SCTR: variants seen among roughly 807,000 people sequenced by gnomAD.
SCTR encodes pancreatic secretin receptor.
In SCTR, 56 loss-of-function variants were observed where a neutral mutation model predicts 60.8. The ratio of observed to expected loss-of-function variants is 0.92; its 90% CI spans 0.74 to 1.15. The LOEUF is 1.15. Among genes scored for constraint, SCTR ranks in the 50% most tolerant of loss-of-function variants. The pLI is 0.00. For synonymous variants in SCTR, 202 were observed against 217.0 expected (o/e 0.93, Z 0.61); for missense variants, 562 against 550.4 (o/e 1.02, Z -0.21).
At chr2:119,446,689 C>G (rs1407935720) in intron 11 of SCTR, 70 bp downstream of exon 11, 1 of 1,346,154 alleles carries the variant, frequency 7.4e-7, no homozygotes, top group African/African-American at 1.5e-5. Context: ...AGTCTCTATG[C>G]CCTCCACTTC....
chr2:119,498,749 T>C (rs773463899), intron 1 of SCTR, among the ~76,000 whole-genome samples: 1 of 151,932 alleles, frequency 6.6e-6, no homozygotes, highest in Non-Finnish European at 1.5e-5. Flanking sequence ...GCACTGTAGA[T>C]AAATCAAAAT....
chr2:119,448,691 A>G lies in SCTR; in HGVS notation c.1011T>C (p.Tyr337=). 6.4e-7 allele frequency: 1 copy of G among 1,559,926 alleles called. No homozygotes were observed. Among genetic ancestry groups the G allele is most frequent in the Non-Finnish European group, 8.8e-7 (1 of 1,130,544 alleles). Reference sequence around the variant, plus strand: ...CTCAGTCTTTGCCCTTCACTTACTTATAATGGCTGACTTCATTTCCTCTTG... The same window carrying G: ...CTCAGTCTTTGCCCTTCACTTACTTGTAATGGCTGACTTCATTTCCTCTTG... The part of the protein sequence containing the change: ...QETRGNEVSH[Y]KRLARSTLLL... Residue 337 remains tyrosine, a splice_region_variant and synonymous_variant, in exon 10 of 13, where the codon TAT becomes TAC. Transcript: ENST00000019103.
chr2:119,469,093 G>T (rs1445672219), intron 4 of SCTR, among the ~76,000 whole-genome samples: 2 of 152,182 alleles, frequency 1.3e-5, no homozygotes, highest in Non-Finnish European at 2.9e-5. Flanking sequence ...ACCTCTCAGG[G>T]ATGTGAGGAA....
At position 119,473,528 on chromosome 2, in the gene SCTR, A is replaced by G; in HGVS notation, c.330T>C (p.Asp110=). The change falls in exon 4 of 13, where the codon GAT becomes GAC. Residue 110 remains aspartate, a synonymous_variant. Transcript: ENST00000019103. ...NGSLFRNCTQ[D]GWSETFPRPN... is the part of the protein sequence containing the mutation. The stretch of plus-strand genomic sequence containing the variant: ...GCCTGGGGAAGGTTTCTGACCAGCC[A>G]TCCTGTGTGCAGTTTCGGAACAAGG... 6.2e-7 allele frequency: 1 copy of G among 1,613,962 alleles called. No individual in the cohort carries two copies. The highest frequency in any genetic ancestry group is 1.7e-5 in the Admixed American group (1 of 60,008).
chr2:119,518,990 G>A (rs761088056), intron 1 of SCTR, among the ~76,000 whole-genome samples: 13 of 151,852 alleles, frequency 8.6e-5, no homozygotes, highest in African/African-American at 2.4e-4. Context: ...TTTTTGAGAC[G>A]GAGTTTTGCT....
At chr2:119,519,054 G>A (rs1383981298) in intron 1 of SCTR, among the ~76,000 whole-genome samples, 7 of 152,114 alleles carry the variant, frequency 4.6e-5, no homozygotes, top group African/African-American at 7.2e-5. Context: ...TGCAACCTCC[G>A]CCTCCCAAGT....
chr2:119,502,987 TAAA>T (rs35814848), intron 1 of SCTR, among the ~76,000 whole-genome samples: 1 of 144,516 alleles, frequency 6.9e-6, no homozygotes. Context: ...TCATCTCTAC[TAAA>T]AAAAAAAAAA....
rs561978943 is a variant in SCTR at position 119,492,267 on chromosome 2, A to T, written c.193+2161T>A. Among the ~76,000 whole-genome samples the T allele has an allele frequency of 2.2e-4, 33 of 152,356 alleles. 1 individual carries two copies. The South Asian group carries it at 6.4e-3, about 30-fold the overall frequency. Reference sequence around the variant, plus strand: ...TCCAGCTCTTTTTGTAATATGCAACAAATAAATTCCTGTCTGGTGAAACCA... The same window carrying T: ...TCCAGCTCTTTTTGTAATATGCAACTAATAAATTCCTGTCTGGTGAAACCA... On this transcript the variant is annotated intron_variant, in intron 2 of 12. Transcript: ENST00000019103.
chr2:119,518,024 C>G (rs894503528), intron 1 of SCTR, among the ~76,000 whole-genome samples: 1 of 152,148 alleles, frequency 6.6e-6, no homozygotes, highest in African/African-American at 2.4e-5. Context: ...TTTCCCTCCC[C>G]TCCCCTGCAT....
intron 2 of SCTR, among the ~76,000 whole-genome samples, chr2:119,488,247 G>GCTGAGCCACCCTTTCACCCAC (rs1383717442): frequency 1.3e-5 from 2 of 152,366 alleles, no homozygotes; most frequent in Middle Eastern, 3.4e-3. Context: ...TGGGGGGCCA[G>GCTGAGCCACCCTTTCACCCAC]CTGAGCCACC....
intron 10 of SCTR, among the ~76,000 whole-genome samples, chr2:119,448,202 A>G (rs1683005745): frequency 6.6e-6 from 1 of 152,230 alleles, no homozygotes; most frequent in Non-Finnish European, 1.5e-5. Context: ...GAACTCTGAG[A>G]AAATACATAT....
chr2:119,499,009 G>A (rs961539817), intron 1 of SCTR, among the ~76,000 whole-genome samples: 13 of 151,874 alleles, frequency 8.6e-5, no homozygotes, highest in Admixed American at 7.2e-4. Flanking sequence ...TATAATCTAG[G>A]CAGGTTGAAA....
chr2:119,439,937 C>T lies in SCTR; in HGVS notation c.*180G>A. ...AGAGCAAACGAACCAAATCCCAGGC[C>T]CTTGTCCTGCCCCACAGTGCCTCAC... On this transcript the variant is annotated 3_prime_UTR_variant, in exon 13 of 13. Transcript: ENST00000019103. 4.8e-6 allele frequency: 3 copies of T among 623,040 alleles called. No homozygotes were observed. Among genetic ancestry groups the T allele is most frequent in the Non-Finnish European group, 8.1e-6 (3 of 369,816 alleles). The allele number at this position is 623,040 out of a possible 1,614,324, so 38.6% of individuals were successfully genotyped here.
At chr2:119,460,667 G>A (rs1364894011) in intron 7 of SCTR, among the ~76,000 whole-genome samples, 1 of 152,130 alleles carries the variant, frequency 6.6e-6, no homozygotes, top group Non-Finnish European at 1.5e-5. Context: ...CCAATGCCTG[G>A]CACATAGCAA....
chr2:119,450,823 G>T (rs567347249), intron 9 of SCTR, among the ~76,000 whole-genome samples: 1 of 152,116 alleles, frequency 6.6e-6, no homozygotes, highest in Non-Finnish European at 1.5e-5. Context: ...TTAGCTAGGC[G>T]TGGTGGTGGG....
intron 2 of SCTR, among the ~76,000 whole-genome samples, chr2:119,491,198 G>A (rs1351526733): frequency 6.6e-6 from 1 of 152,202 alleles, no homozygotes; most frequent in African/African-American, 2.4e-5. Context: ...CACTGTGGCA[G>A]AGGTGATCTT....
chr2:119,452,350 A>G (rs17015965), intron 8 of SCTR, among the ~76,000 whole-genome samples: 8,080 of 152,252 alleles, frequency 0.053, 391 homozygotes, highest in African/African-American at 0.13. Flanking sequence ...GTCAGAATTC[A>G]CCAGCGAGCA....
intron 3 of SCTR, among the ~76,000 whole-genome samples, chr2:119,478,150 A>G (rs1343760107): frequency 6.6e-6 from 1 of 152,228 alleles, no homozygotes; most frequent in Non-Finnish European, 1.5e-5. Context: ...GGGCAGCTGC[A>G]CAGCTTTTCT....
intron 1 of SCTR, among the ~76,000 whole-genome samples, chr2:119,515,104 A>T (rs1219767572): frequency 6.6e-6 from 1 of 152,218 alleles, no homozygotes; most frequent in Non-Finnish European, 1.5e-5. Flanking sequence ...CACCTACTAT[A>T]TGCTTAGCAG....
Sources: gnomAD v4.1 joint callset for allele counts (sites outside exome capture counted in the v4.1 genomes callset) on GRCh38, gnomAD v4.1.1 for gene constraint, MANE v1.5 for transcripts, NCBI Gene and HGNC (gene_info 2026-07-23, HGNC 2026-07-21) for gene names.